FANCB: variants seen among roughly 807,000 people sequenced by gnomAD.
FANCB encodes the protein FA complementation group B.
A neutral mutation model predicts 38.9 loss-of-function variants in FANCB; 5 were observed. That is an observed-to-expected ratio of 0.13 (90% CI 0.07 to 0.27). The LOEUF is 0.27. Among genes scored for constraint, FANCB ranks in the 10% least tolerant of loss-of-function variants. The pLI is 1.00. For missense variants in FANCB, 573 were observed against 602.7 expected (o/e 0.95, Z 0.52); for synonymous variants, 236 against 215.4 (o/e 1.10, Z -0.84).
the FANCB span, among the ~76,000 whole-genome samples, chrX:14,700,577 C>G: frequency 9.0e-6 from 1 of 111,687 alleles, no homozygotes; most frequent in Non-Finnish European, 1.9e-5. Context: ...AGCTAAGAAG[C>G]AGCCATGGAT....
At chrX:14,832,358 C>T (rs763224627), downstream of FANCB, among the ~76,000 whole-genome samples, 6 of 111,402 alleles carry the variant, frequency 5.4e-5, no homozygotes, top group Admixed American at 9.6e-5. Context: ...AAAAGGACAC[C>T]GTGAGTCACT....
At chrX:14,693,508 ACT>A in the FANCB span, among the ~76,000 whole-genome samples, 1 of 112,022 alleles carries the variant, frequency 8.9e-6, no homozygotes, top group East Asian at 2.8e-4. Context: ...AAATAGACAA[ACT>A]CACACTCATA....
At chrX:14,786,690 T>C in the FANCB span, among the ~76,000 whole-genome samples, 1 of 111,232 alleles carries the variant, frequency 9.0e-6, no homozygotes, top group Admixed American at 9.6e-5. Context: ...TCATAATTAG[T>C]AGGCAAGAAG....
At chrX:14,722,928 T>C in the FANCB span, among the ~76,000 whole-genome samples, 1 of 112,843 alleles carries the variant, frequency 8.9e-6, no homozygotes, top group South Asian at 3.7e-4. Flanking sequence ...TATTTACAAG[T>C]ATTGCCTTAT....
the FANCB span, among the ~76,000 whole-genome samples, chrX:14,768,578 T>C: frequency 8.9e-6 from 1 of 111,973 alleles, no homozygotes; most frequent in Non-Finnish European, 1.9e-5. Context: ...ATTGGGGTTT[T>C]CTAAATATAA....
the FANCB span, among the ~76,000 whole-genome samples, chrX:14,720,142 ATAATT>A: frequency 2.7e-5 from 3 of 111,425 alleles, no homozygotes; most frequent in Non-Finnish European, 5.7e-5. Context: ...ACAGTAAACA[ATAATT>A]TATTGTATTT....
the FANCB span, among the ~76,000 whole-genome samples, chrX:14,765,916 C>T: frequency 1.6e-4 from 18 of 111,612 alleles, no homozygotes; most frequent in South Asian, 7.6e-4. Context: ...AATGGGTAAC[C>T]AAAGGATCTC....
the FANCB span, among the ~76,000 whole-genome samples, chrX:14,732,048 C>T: frequency 1.8e-5 from 2 of 110,007 alleles, no homozygotes; most frequent in Admixed American, 9.8e-5. Flanking sequence ...CCGACCCCCC[C>T]GACAGGCCCT....
chrX:14,737,421 T>C, the FANCB span, among the ~76,000 whole-genome samples: 1 of 112,085 alleles, frequency 8.9e-6, no homozygotes, highest in Non-Finnish European at 1.9e-5. Context: ...TATTCAAATA[T>C]TGAATAATTT....
the FANCB span, among the ~76,000 whole-genome samples, chrX:14,760,059 A>G: frequency 2.7e-5 from 3 of 112,119 alleles, no homozygotes; most frequent in South Asian, 1.1e-3. Flanking sequence ...AAAACATACC[A>G]AATTGTAAAG....
chrX:14,829,832 C>G, the FANCB span, among the ~76,000 whole-genome samples: 1 of 112,279 alleles, frequency 8.9e-6, no homozygotes, highest in African/African-American at 3.2e-5. Context: ...AAGATAAGGA[C>G]GTCTTGCTTT....
intron 1 of FANCB, among the ~76,000 whole-genome samples, chrX:14,872,095 T>C (rs983341894): frequency 2.7e-5 from 3 of 112,353 alleles, no homozygotes; most frequent in Non-Finnish European, 3.8e-5. Context: ...CTGTTGATTC[T>C]GGACAAGGAA....
chrX:14,809,655 C>A, the FANCB span, among the ~76,000 whole-genome samples: 1 of 112,714 alleles, frequency 8.9e-6, no homozygotes, highest in Non-Finnish European at 1.9e-5. Context: ...CCCAGGCTTG[C>A]TTAGGTAAAC....
chrX:14,840,830 T>C (rs1401150776), downstream of FANCB, among the ~76,000 whole-genome samples: 2 of 111,832 alleles, frequency 1.8e-5, no homozygotes, highest in African/African-American at 6.5e-5. Context: ...TTGTCCAGCA[T>C]AGTTGCTCAC....
At chrX:14,750,883 T>C in the FANCB span, among the ~76,000 whole-genome samples, 1 of 104,912 alleles carries the variant, frequency 9.5e-6, no homozygotes, top group African/African-American at 3.6e-5. Flanking sequence ...GGGAAGACAT[T>C]ATTTAAAAAA....
At chrX:14,731,980 C>T in the FANCB span, among the ~76,000 whole-genome samples, 2 of 110,726 alleles carry the variant, frequency 1.8e-5, no homozygotes, top group Non-Finnish European at 3.8e-5. Flanking sequence ...GTTTTCTGCA[C>T]CCATCAACCC....
chrX:14,697,126 T>A, the FANCB span, among the ~76,000 whole-genome samples: 2 of 111,434 alleles, frequency 1.8e-5, no homozygotes, highest in Non-Finnish European at 3.8e-5. Context: ...TAACATTTAT[T>A]GAGGGCTTAC....
At chrX:14,796,457 T>C in the FANCB span, among the ~76,000 whole-genome samples, 2 of 98,975 alleles carry the variant, frequency 2.0e-5, no homozygotes, top group East Asian at 6.0e-4. Context: ...TCTATATATA[T>C]AACACATATA....
chrX:14,823,195 A>G, the FANCB span, among the ~76,000 whole-genome samples: 2 of 100,004 alleles, frequency 2.0e-5, no homozygotes, highest in Non-Finnish European at 3.9e-5. Context: ...CGATTCTCCT[A>G]CCTCAGCCTC....
Sources: gnomAD v4.1 joint callset for allele counts (sites outside exome capture counted in the v4.1 genomes callset) on GRCh38, gnomAD v4.1.1 for gene constraint, MANE v1.5 for transcripts, NCBI Gene and HGNC (gene_info 2026-07-23, HGNC 2026-07-21) for gene names.